C6: variants seen among roughly 807,000 people sequenced by gnomAD.
C6 encodes complement component C6.
A neutral mutation model predicts 112.9 loss-of-function variants in C6; 101 were observed. That is an observed-to-expected ratio of 0.89 (90% confidence interval 0.76 to 1.06). The LOEUF is 1.06. C6 is among the 50% of genes least tolerant of loss of function. C6 has a pLI of 0.00. For missense variants in C6, 1,202 were observed against 1,104.6 expected (o/e 1.09, Z -1.25); for synonymous variants, 431 against 384.1 (o/e 1.12, Z -1.43).
intron 8 of C6, 139 bp from the exon 9 acceptor site, chr5:41,172,486 G>A (rs1748512072): frequency 1.2e-6 from 1 of 829,102 alleles, no homozygotes; most frequent in East Asian, 2.6e-5. Context: ...AATCTTAAGT[G>A]ACAGCTCAAG....
chr5:41,202,267 A>G (rs910794925), intron 2 of C6, among the ~76,000 whole-genome samples: 6 of 151,936 alleles, frequency 3.9e-5, no homozygotes, highest in Non-Finnish European at 7.4e-5. Context: ...GGCAGATGAG[A>G]GCATGTCCAG....
intron 4 of C6, 56 bp downstream of exon 4, chr5:41,199,712 T>G: frequency 6.4e-7 from 1 of 1,552,384 alleles, no homozygotes; most frequent in South Asian, 1.1e-5. Flanking sequence ...TGGAGTAACT[T>G]TGATTTAGTC....
chr5:41,178,840 T>C (rs1749084796), intron 7 of C6, among the ~76,000 whole-genome samples: 1 of 151,196 alleles, frequency 6.6e-6, no homozygotes, highest in South Asian at 2.1e-4. Flanking sequence ...AGTAATGATG[T>C]TGGATTGAAC....
intron 15 of C6, among the ~76,000 whole-genome samples, chr5:41,152,051 AGAG>A (rs1284208596): frequency 2.0e-5 from 3 of 151,864 alleles, no homozygotes; most frequent in Non-Finnish European, 4.4e-5. Context: ...AAGGTGGAGG[AGAG>A]GAGAGGAAAG....
chr5:41,234,356 TG>T (rs1398135390), intron 1 of C6, among the ~76,000 whole-genome samples: 17 of 139,798 alleles, frequency 1.2e-4, no homozygotes, highest in African/African-American at 5.0e-4. Context: ...TTTTGTTTTT[TG>T]TTTTTTGTTT....
intron 9 of C6, among the ~76,000 whole-genome samples, chr5:41,171,336 G>A (rs1453018473): frequency 6.6e-6 from 1 of 152,124 alleles, no homozygotes; most frequent in African/African-American, 2.4e-5. Flanking sequence ...GAGAGGAAAG[G>A]TGAAAGGAGC....
chr5:41,232,315 G>A (rs1241486730), intron 1 of C6, among the ~76,000 whole-genome samples: 2 of 152,066 alleles, frequency 1.3e-5, no homozygotes, highest in African/African-American at 4.8e-5. Flanking sequence ...CTCTGAGATA[G>A]TGGAAAGCTC....
intron 9 of C6, among the ~76,000 whole-genome samples, chr5:41,165,130 T>C (rs1034340269): frequency 4.6e-5 from 7 of 152,208 alleles, no homozygotes; most frequent in Non-Finnish European, 8.8e-5. Flanking sequence ...CAGTTTTATG[T>C]TTGTGGCATT....
intron 1 of C6, among the ~76,000 whole-genome samples, chr5:41,210,702 C>G (rs540590402): frequency 9.9e-5 from 15 of 152,274 alleles, no homozygotes; most frequent in African/African-American, 3.6e-4. Context: ...CATCTCACAC[C>G]AGTTAGAATG....
At chr5:41,230,881 A>C (rs1436970152) in intron 1 of C6, among the ~76,000 whole-genome samples, 2 of 152,164 alleles carry the variant, frequency 1.3e-5, no homozygotes, top group African/African-American at 2.4e-5. Context: ...AAGAACCTAC[A>C]TTGAAATATT....
At chr5:41,222,651 A>T (rs1739252198) in intron 1 of C6, among the ~76,000 whole-genome samples, 1 of 152,144 alleles carries the variant, frequency 6.6e-6, no homozygotes, top group Admixed American at 6.6e-5. Flanking sequence ...TATTTATATG[A>T]ATCTCTATAT....
At chr5:41,180,093 G>A (rs1749203515) in intron 7 of C6, among the ~76,000 whole-genome samples, 1 of 152,076 alleles carries the variant, frequency 6.6e-6, no homozygotes, top group South Asian at 2.1e-4. Context: ...TTGTTTTGAG[G>A]ATAAATGAAA....
At position 41,201,828 on chromosome 5, in the gene C6, T is replaced by A. The variant is rs1751058387; in HGVS notation, c.144-114A>T. 1.4e-5 allele frequency: 14 copies of A among 1,023,728 alleles called. No homozygotes were observed. The South Asian group carries it at 1.8e-4, about 13-fold the overall frequency. The allele number at this position is 1,023,728 out of a possible 1,614,324, so 63.4% of individuals were successfully genotyped here. A position where few individuals can be genotyped will look rare whatever the true frequency, so the allele number is the denominator to read the frequency against. On this transcript the variant is annotated intron_variant, in intron 2 of 17. Coordinates refer to ENST00000337836, the MANE Select transcript of C6 (RefSeq NM_000065.5). ...AATAAATAGAAAAGAAAGAAAATTTTCATGGAAAAATTAGGCAGGTTGGCA... is the reference window on the plus strand; with the variant it reads ...AATAAATAGAAAAGAAAGAAAATTTACATGGAAAAATTAGGCAGGTTGGCA...
Position 41,142,653 on chromosome 5 carries a change from T to C in C6, c.*172A>G, listed in dbSNP as rs144139847. On this transcript the variant is annotated 3_prime_UTR_variant, in exon 18 of 18. Coordinates refer to ENST00000337836, the MANE Select transcript of C6 (RefSeq NM_000065.5). ...TCATGAGCTGGAACTGAATAAGACA[T>C]GCCCAAACAGGAGAGTCAGGGGAGA... 2 of 649,018 alleles carry C rather than the reference T, an allele frequency of 3.1e-6. No individual in the cohort carries two copies. Among genetic ancestry groups the C allele is most frequent in the South Asian group, 1.7e-5 (1 of 57,942 alleles). 40.2% of individuals were successfully genotyped at this position (649,018 alleles called of 1,614,324 possible). A position where few individuals can be genotyped will look rare whatever the true frequency, so the allele number is the denominator to read the frequency against.
intron 1 of C6, among the ~76,000 whole-genome samples, chr5:41,258,563 A>G (rs1371211008): frequency 2.0e-5 from 3 of 152,216 alleles, no homozygotes; most frequent in African/African-American, 7.2e-5. Context: ...TCCAAAAAAT[A>G]TTTTTGAAAG....
chr5:41,181,358 C>T lies in C6; in HGVS notation c.927+1G>A. ...AAAAGGTTGGAAACCATTTTTGATA[C>T]CTTTTTGTGAGAGGCTTGAATGGCT... On this transcript the variant is annotated splice_donor_variant, in intron 7 of 17. Transcript: ENST00000337836. LOFTEE classifies it high-confidence loss of function. 14 of 1,613,240 alleles carry T rather than the reference C, an allele frequency of 8.7e-6. No individual in the cohort carries two copies. Among genetic ancestry groups the T allele is most frequent in the Non-Finnish European group, 1.2e-5 (14 of 1,179,450 alleles).
In C6 at chr5:41,203,232, C is replaced by A. The variant is rs201811507; in HGVS notation, c.-2G>T. On this transcript the variant is annotated 5_prime_UTR_variant, in exon 2 of 18. Transcript: ENST00000337836. Reference sequence around the variant, plus strand: ...GTACAAGACAGAGCGTCTGGCCATGCCTTGAGAGCCTCCAGGCCCTAAAAT... The same window carrying A: ...GTACAAGACAGAGCGTCTGGCCATGACTTGAGAGCCTCCAGGCCCTAAAAT... 62 of 1,614,094 alleles carry A rather than the reference C, an allele frequency of 3.8e-5. No homozygotes were observed. The highest frequency in any genetic ancestry group is 3.7e-5 in the Non-Finnish European group (44 of 1,179,956).
intron 1 of C6, among the ~76,000 whole-genome samples, chr5:41,241,969 A>C (rs1384462346): frequency 6.6e-6 from 1 of 152,200 alleles, no homozygotes; most frequent in Non-Finnish European, 1.5e-5. Context: ...AACCTATAGC[A>C]AGACAAAAAT....
rs115512108 is a variant in C6, at chr5:41,160,970, A to G, written c.1459-603T>C. Among the ~76,000 whole-genome samples, 895 of 152,298 alleles carry G rather than the reference A, an allele frequency of 5.9e-3. 8 individuals are homozygous for G. Among genetic ancestry groups the G allele is most frequent in the East Asian group, 0.038 (197 of 5,184 alleles). On this transcript the variant is annotated intron_variant, in intron 10 of 17. Transcript: ENST00000337836. Reference sequence around the variant, plus strand: ...CAAAGAAATGACCTTCTAGTGCAATATGACTTGCAAGTACCCGGAGGGGCA... The same window carrying G: ...CAAAGAAATGACCTTCTAGTGCAATGTGACTTGCAAGTACCCGGAGGGGCA...
Sources: gnomAD v4.1 joint callset for allele counts (sites outside exome capture counted in the v4.1 genomes callset) on GRCh38, gnomAD v4.1.1 for gene constraint, MANE v1.5 for transcripts, NCBI Gene and HGNC (gene_info 2026-07-23, HGNC 2026-07-21) for gene names.